Variants in LRP1B observed in about 807,000 individuals in gnomAD.
LRP1B encodes the protein low-density lipoprotein receptor-related protein 1B.
A neutral mutation model predicts 556.6 loss-of-function variants in LRP1B; 217 were observed. The observed-to-expected ratio is 0.39, with a 90% CI of 0.35 to 0.44. The LOEUF is 0.44. Among genes scored for constraint, LRP1B ranks in the 20% least tolerant of loss-of-function variants. The pLI, the probability that LRP1B is intolerant of heterozygous loss-of-function variation, is 1.00. For missense variants in LRP1B, 5,053 were observed against 5,620.8 expected (o/e 0.90, Z 3.23); for synonymous variants, 2,047 against 1,865.8 (o/e 1.10, Z -2.50).
At chr2:141,235,685 C>T (rs1157711026) in intron 5 of LRP1B, among the ~76,000 whole-genome samples, 1 of 152,118 alleles carries the variant, frequency 6.6e-6, no homozygotes, top group African/African-American at 2.4e-5. Flanking sequence ...GAGTATTTCA[C>T]TAATAATAGT....
chr2:141,614,643 G>T (rs1045383352), intron 2 of LRP1B, among the ~76,000 whole-genome samples: 1 of 151,708 alleles, frequency 6.6e-6, no homozygotes, highest in African/African-American at 2.4e-5. Flanking sequence ...GTGTAGACCG[G>T]GACAGAAATT....
At chr2:140,798,995 A>C (rs1408429179) in intron 32 of LRP1B, among the ~76,000 whole-genome samples, 2 of 152,206 alleles carry the variant, frequency 1.3e-5, no homozygotes, top group Non-Finnish European at 2.9e-5. Context: ...TGTAAATAAC[A>C]GTTACTGATA....
At chr2:140,786,693 C>T (rs759837837) in intron 32 of LRP1B, among the ~76,000 whole-genome samples, 2 of 152,100 alleles carry the variant, frequency 1.3e-5, no homozygotes, top group Admixed American at 6.6e-5. Flanking sequence ...TGCTTTCAAG[C>T]CTTTGTGACC....
chr2:141,921,778 G>A (rs1700192264), intron 1 of LRP1B, among the ~76,000 whole-genome samples: 1 of 151,846 alleles, frequency 6.6e-6, no homozygotes, highest in Admixed American at 6.6e-5. Flanking sequence ...TCAATAGAAA[G>A]CAAATATTCC....
chr2:141,568,317 T>A (rs57933129), intron 2 of LRP1B, among the ~76,000 whole-genome samples: 1 of 150,486 alleles, frequency 6.6e-6, no homozygotes. Flanking sequence ...ACTATGCATA[T>A]GACTATTTAA....
intron 5 of LRP1B, among the ~76,000 whole-genome samples, chr2:141,246,696 G>A (rs191959226): frequency 5.3e-4 from 80 of 152,294 alleles, no homozygotes; most frequent in Admixed American, 1.3e-3. Flanking sequence ...TGGGCACTGC[G>A]GCTCATGCCT....
At chr2:141,093,050 G>GTT (rs34579717) in intron 7 of LRP1B, among the ~76,000 whole-genome samples, 2,753 of 147,848 alleles carry the variant, frequency 0.019, 34 homozygotes, top group South Asian at 0.03. Context: ...CTTTTTTGTT[G>GTT]TTTTTTTTTT....
At chr2:141,716,626 C>T (rs1692605138) in intron 2 of LRP1B, among the ~76,000 whole-genome samples, 1 of 152,066 alleles carries the variant, frequency 6.6e-6, no homozygotes, top group Non-Finnish European at 1.5e-5. Flanking sequence ...TCAAAGAAGG[C>T]CACTGCTCTG....
chr2:140,275,856 C>T (rs1013022029), intron 84 of LRP1B, among the ~76,000 whole-genome samples: 1 of 151,686 alleles, frequency 6.6e-6, no homozygotes, highest in Non-Finnish European at 1.5e-5. Flanking sequence ...ATTTCTATAC[C>T]CCTTGAACAT....
intron 3 of LRP1B, among the ~76,000 whole-genome samples, chr2:141,366,883 TC>T (rs1689059279): frequency 6.6e-6 from 1 of 152,210 alleles, no homozygotes; most frequent in African/African-American, 2.4e-5. Flanking sequence ...ATCTTTGGTA[TC>T]CCATTACAAC....
chr2:141,563,147 C>T (rs1686221555), intron 2 of LRP1B, among the ~76,000 whole-genome samples: 1 of 151,914 alleles, frequency 6.6e-6, no homozygotes, highest in Non-Finnish European at 1.5e-5. Context: ...GTGTCATTTA[C>T]AGGATAGGCA....
At chr2:142,004,619 G>A (rs1228706841) in intron 1 of LRP1B, among the ~76,000 whole-genome samples, 1 of 152,094 alleles carries the variant, frequency 6.6e-6, no homozygotes, top group Non-Finnish European at 1.5e-5. Context: ...GCTGAGGGGG[G>A]TGGATCACCC....
intron 5 of LRP1B, among the ~76,000 whole-genome samples, chr2:141,236,547 C>T (rs1460568730): frequency 6.6e-6 from 1 of 152,094 alleles, no homozygotes. Context: ...AGCATGGTAA[C>T]TATAGTTAAT....
intron 4 of LRP1B, among the ~76,000 whole-genome samples, chr2:141,253,282 T>C (rs968996597): frequency 6.6e-6 from 1 of 152,144 alleles, no homozygotes; most frequent in Non-Finnish European, 1.5e-5. Context: ...AACTTTTGTG[T>C]GCAATTTTCT....
chr2:141,301,843 C>T (rs545460062), intron 3 of LRP1B, among the ~76,000 whole-genome samples: 3 of 152,054 alleles, frequency 2.0e-5, no homozygotes, highest in Non-Finnish European at 4.4e-5. Flanking sequence ...AATCATTAGG[C>T]CTCTGGTTAA....
chr2:141,151,282 T>C (rs1159123595), intron 7 of LRP1B, among the ~76,000 whole-genome samples: 2 of 152,146 alleles, frequency 1.3e-5, no homozygotes, highest in South Asian at 2.1e-4. Flanking sequence ...CAGTAAATCA[T>C]ACACTGGCTC....
At chr2:140,534,825 A>G (rs1396647728) in intron 46 of LRP1B, among the ~76,000 whole-genome samples, 1 of 152,164 alleles carries the variant, frequency 6.6e-6, no homozygotes, top group African/African-American at 2.4e-5. Context: ...TGCTGGTTTC[A>G]TGCTCTCGAC....
chr2:141,903,019 G>A (rs1253889164), intron 1 of LRP1B, among the ~76,000 whole-genome samples: 1 of 151,822 alleles, frequency 6.6e-6, no homozygotes, highest in Non-Finnish European at 1.5e-5. Context: ...CTTCTTGCAT[G>A]CATCTGCTGA....
At chr2:140,438,374 ACTTATAG>A (rs1392933805) in intron 66 of LRP1B, among the ~76,000 whole-genome samples, 5 of 152,178 alleles carry the variant, frequency 3.3e-5, no homozygotes, top group Non-Finnish European at 7.3e-5. Flanking sequence ...GTATAAGAAT[ACTTATAG>A]CTTATAGCTA....
Sources: allele counts gnomAD v4.1 joint callset (sites outside exome capture counted in the v4.1 genomes callset), GRCh38; gene constraint gnomAD v4.1.1; transcripts MANE v1.5; gene names NCBI Gene and HGNC (gene_info 2026-07-23, HGNC 2026-07-21).